CPEB4: variants seen among roughly 807,000 people sequenced by gnomAD.
The protein encoded by CPEB4 is cytoplasmic polyadenylation element binding protein 4, also known as cytoplasmic polyadenylation element-binding protein 4.
In CPEB4, 12 loss-of-function variants were observed where a neutral mutation model predicts 72.5. That is an observed-to-expected ratio of 0.17 (90% CI 0.11 to 0.27). CPEB4 has a LOEUF of 0.27. Ranked by LOEUF, CPEB4 falls within the 10% of genes least tolerant of loss-of-function variation. CPEB4 has a pLI of 1.00. For synonymous variants in CPEB4, 302 were observed against 326.3 expected (o/e 0.93, Z 0.80); for missense variants, 614 against 908.5 (o/e 0.68, Z 4.17).
chr5:173,959,127 C>G lies in CPEB4; in HGVS notation c.*2990C>G, dbSNP rs1163476758. 6.7e-6 allele frequency: 1 copy of G among 150,154 alleles called. No homozygotes were observed. The highest frequency in any genetic ancestry group is 1.5e-5 in the Non-Finnish European group (1 of 66,772). 9.3% of individuals were successfully genotyped at this position (150,154 alleles called of 1,614,324 possible). A position where few individuals can be genotyped will look rare whatever the true frequency, so the allele number is the denominator to read the frequency against. ...TACCATGTAACTCAAACATAATTAACATGTAATTAGTTTACAGATTGTAGG... is the reference window on the plus strand; with the variant it reads ...TACCATGTAACTCAAACATAATTAAGATGTAATTAGTTTACAGATTGTAGG... On this transcript the variant is annotated 3_prime_UTR_variant, in exon 10 of 10. Coordinates refer to ENST00000265085, the MANE Select transcript of CPEB4 (RefSeq NM_030627.4).
intron 2 of CPEB4, among the ~76,000 whole-genome samples, chr5:173,919,099 T>G (rs1006663767): frequency 5.9e-5 from 9 of 152,228 alleles, no homozygotes; most frequent in African/African-American, 1.9e-4. Flanking sequence ...ATATGGTTAT[T>G]ATGACTTAAT....
At chr5:173,892,041 A>G (rs565850023) in intron 1 of CPEB4, among the ~76,000 whole-genome samples, 1 of 152,152 alleles carries the variant, frequency 6.6e-6, no homozygotes, top group South Asian at 2.1e-4. Flanking sequence ...CATGTGCTAC[A>G]GCTAGAGGGT....
At chr5:173,903,477 G>A (rs981641897) in intron 1 of CPEB4, among the ~76,000 whole-genome samples, 2 of 152,192 alleles carry the variant, frequency 1.3e-5, no homozygotes, top group African/African-American at 4.8e-5. Context: ...GTAATCCCTG[G>A]TGTCATTTGG....
Position 173,890,803 on chromosome 5 carries a change from C to T in CPEB4, c.1070C>T (p.Pro357Leu). ...GCTCGCCCCAGCTCTGCCTTTGCACCTAAATCCTGGATGGAAGATAGCTTG... is the reference window on the plus strand; with the variant it reads ...GCTCGCCCCAGCTCTGCCTTTGCACTTAAATCCTGGATGGAAGATAGCTTG... ...KYARPSSAFA[P>L]KSWMEDSLNR... Residue 357 changes from proline (P) to leucine (L), a missense_variant, in exon 1 of 10, where the codon CCT becomes CTT. Coordinates refer to ENST00000265085, the MANE Select transcript of CPEB4 (RefSeq NM_030627.4). 8 of 1,614,114 alleles carry T rather than the reference C, an allele frequency of 5.0e-6. No individual in the cohort carries two copies. Among genetic ancestry groups the T allele is most frequent in the Non-Finnish European group, 6.8e-6 (8 of 1,179,992 alleles).
At chr5:173,893,918 G>A (rs1035100695) in intron 1 of CPEB4, among the ~76,000 whole-genome samples, 2 of 152,140 alleles carry the variant, frequency 1.3e-5, no homozygotes, top group Non-Finnish European at 2.9e-5. Flanking sequence ...ATATTAAAAG[G>A]TGTTTCTAAG....
Position 173,956,241 on chromosome 5 carries a change from A to C in CPEB4, c.*104A>C. 3.7e-6 allele frequency: 3 copies of C among 814,572 alleles called. No individual in the cohort carries two copies. In the South Asian group the frequency reaches 4.7e-5, roughly 13 times the overall value. The allele number at this position is 814,572 out of a possible 1,614,324, so 50.5% of individuals were successfully genotyped here. On this transcript the variant is annotated 3_prime_UTR_variant, in exon 10 of 10. Transcript: ENST00000265085. ...TCACGCTGGCATGTCCTTTTGTAGC[A>C]GTCTGTAACTTAACTATAGTATAAT...
chr5:173,900,277 C>T lies in CPEB4; in HGVS notation c.1125+9419C>T, dbSNP rs182178649. Among the ~76,000 whole-genome samples, 18 of 152,104 alleles carry T rather than the reference C, an allele frequency of 1.2e-4. No homozygotes were observed. In the East Asian group the frequency reaches 2.1e-3, roughly 18 times the overall value. On this transcript the variant is annotated intron_variant, in intron 1 of 9. Transcript: ENST00000265085. The surrounding 1 kb of genome is among the most constrained non-coding windows in gnomAD (Gnocchi z 4.4). ...AAAATTAGCCTGGTGTGGTGGCGGG[C>T]GCCTGTAGTCCCAGCTATTCTGGAG...
rs999927600 is a variant in CPEB4, at chr5:173,961,549, C to T, written c.*5412C>T. 7 of 152,068 alleles carry T rather than the reference C, an allele frequency of 4.6e-5. No homozygotes were observed. Among genetic ancestry groups the T allele is most frequent in the African/African-American group, 1.4e-4 (6 of 41,390 alleles). The allele number at this position is 152,068 out of a possible 1,614,324, so 9.4% of individuals were successfully genotyped here. On this transcript the variant is annotated 3_prime_UTR_variant, in exon 10 of 10. Transcript: ENST00000265085. ...TCACTGATTGCCTAAACCTACCCAA[C>T]GAGGAAAATTCTTTTTATTTTTATC...
In CPEB4 at chr5:173,927,669, C is replaced by T. The variant is rs145956868; in HGVS notation, c.1208-4781C>T. Among the ~76,000 whole-genome samples the T allele has an allele frequency of 1.8e-3, 273 of 151,906 alleles. 1 individual carries two copies. Among genetic ancestry groups the T allele is most frequent in the African/African-American group, 6.3e-3 (260 of 41,430 alleles). On this transcript the variant is annotated intron_variant, in intron 2 of 9. Coordinates refer to ENST00000265085, the MANE Select transcript of CPEB4 (RefSeq NM_030627.4). Reference sequence around the variant, plus strand: ...GTGCTCGCCTGTAGTCCCAGCTACTCGGGAGGCTGAGGCAGAAGAATCGCT... The same window carrying T: ...GTGCTCGCCTGTAGTCCCAGCTACTTGGGAGGCTGAGGCAGAAGAATCGCT...
chr5:173,945,851 G>C (rs1757998100), intron 5 of CPEB4, among the ~76,000 whole-genome samples: 4 of 152,218 alleles, frequency 2.6e-5, no homozygotes, highest in Admixed American at 2.6e-4. Flanking sequence ...CAAAGACTTA[G>C]AGGGACTTGT....
chr5:173,924,095 A>T (rs1757162199), intron 2 of CPEB4, among the ~76,000 whole-genome samples: 1 of 152,032 alleles, frequency 6.6e-6, no homozygotes, highest in Admixed American at 6.6e-5. Flanking sequence ...ACCTTCCTCC[A>T]TCTGTAGAAA....
Position 173,960,641 on chromosome 5 carries a change from C to T in CPEB4, c.*4504C>T, listed in dbSNP as rs1015960831. ...TATCAGTTGAAGGCCAAATGCCCAA[C>T]AAAAGTGAAAAACCCAATGTTTAGT... On this transcript the variant is annotated 3_prime_UTR_variant, in exon 10 of 10. Transcript: ENST00000265085. 2 of 152,288 alleles carry T rather than the reference C, an allele frequency of 1.3e-5. 1 individual carries two copies. The highest frequency in any genetic ancestry group is 1.3e-4 in the Admixed American group (2 of 15,304). 9.4% of individuals were successfully genotyped at this position (152,288 alleles called of 1,614,324 possible).
chr5:173,923,307 A>G (rs1757133298), intron 2 of CPEB4, among the ~76,000 whole-genome samples: 1 of 152,184 alleles, frequency 6.6e-6, no homozygotes, highest in South Asian at 2.1e-4. Context: ...GGTTATAAAT[A>G]AGAAACTCAG....
At chr5:173,946,098 A>G (rs1758006964) in intron 5 of CPEB4, among the ~76,000 whole-genome samples, 1 of 152,242 alleles carries the variant, frequency 6.6e-6, no homozygotes, top group Non-Finnish European at 1.5e-5. Context: ...CAGACTTATC[A>G]AGTCACTTCA....
In CPEB4 at chr5:173,907,442, A is replaced by G. The variant is rs1042168714; in HGVS notation, c.1126-3081A>G. On this transcript the variant is annotated intron_variant, in intron 1 of 9. Coordinates refer to ENST00000265085, the MANE Select transcript of CPEB4 (RefSeq NM_030627.4). ...CTTCTTTTCAGTGCTCTTGTCATTCAGTGATTGCAAAATGCATGTTCCGGA... is the reference window on the plus strand; with the variant it reads ...CTTCTTTTCAGTGCTCTTGTCATTCGGTGATTGCAAAATGCATGTTCCGGA... Among the ~76,000 whole-genome samples, 4 of 152,348 alleles carry G rather than the reference A, an allele frequency of 2.6e-5. No individual in the cohort carries two copies. In the South Asian group the frequency reaches 6.2e-4, roughly 24 times the overall value.
rs1255589080 is a variant in CPEB4, at chr5:173,953,197, C to T, written c.1887C>T (p.Phe629=). 2 of 1,613,674 alleles carry T rather than the reference C, an allele frequency of 1.2e-6. No individual in the cohort carries two copies. Among genetic ancestry groups the T allele is most frequent in the African/African-American group, 2.7e-5 (2 of 74,902 alleles). ...KYPKGAGRVA[F]SNQQSYIAAI... ...CAAAAGGAGCTGGGAGAGTTGCGTT[C>T]TCTAATCAACAGAGTTACATAGCTG... The change falls in exon 9 of 10, where the codon TTC becomes TTT. Residue 629 remains phenylalanine (F), a synonymous_variant. Coordinates refer to ENST00000265085, the MANE Select transcript of CPEB4 (RefSeq NM_030627.4).
chr5:173,948,997 A>G (rs1349564521), intron 5 of CPEB4, among the ~76,000 whole-genome samples: 1 of 152,226 alleles, frequency 6.6e-6, no homozygotes, highest in Non-Finnish European at 1.5e-5. Context: ...GTCATTCTAT[A>G]GAATGAATAT....
At chr5:173,902,487 A>G (rs1756270612) in intron 1 of CPEB4, among the ~76,000 whole-genome samples, 1 of 152,186 alleles carries the variant, frequency 6.6e-6, no homozygotes, top group Non-Finnish European at 1.5e-5. Flanking sequence ...AAGCAATAAT[A>G]GAGTGGTGGT....
chr5:173,953,002 G>A (rs1758261032), intron 8 of CPEB4, 89 bp from the exon 9 acceptor site: 3 of 988,854 alleles, frequency 3.0e-6, no homozygotes, highest in Non-Finnish European at 4.6e-6. Flanking sequence ...TGAGCTCAGA[G>A]TACAGATGAA....
Sources: allele counts gnomAD v4.1 joint callset (sites outside exome capture counted in the v4.1 genomes callset), GRCh38; gene constraint gnomAD v4.1.1; non-coding constraint Gnocchi (gnomAD v3.1); transcripts MANE v1.5; gene names NCBI Gene and HGNC (gene_info 2026-07-23, HGNC 2026-07-21).